The following EPHA7 variants were observed in gnomAD, a reference collection of about 807,000 sequenced individuals.
EPHA7 encodes the protein ephrin type-A receptor 7.
EPHA7 carries 25 observed loss-of-function variants against 112.6 expected under a neutral mutation model. The observed-to-expected ratio is 0.22, with a 90% CI of 0.16 to 0.31. The LOEUF (loss-of-function observed/expected upper bound fraction) is 0.31, where lower values mean the gene tolerates loss of function less well. Ranked by LOEUF, EPHA7 falls within the 10% of genes least tolerant of loss-of-function variation. The pLI is 1.00. For synonymous variants in EPHA7, 437 were observed against 406.5 expected (o/e 1.07, Z -0.90); for missense variants, 962 against 1,212.6 (o/e 0.79, Z 3.07).
At chr6:93,369,180 C>CCACACACA (rs35708007) in intron 3 of EPHA7, among the ~76,000 whole-genome samples, 14 of 144,920 alleles carry the variant, frequency 9.7e-5, no homozygotes, top group African/African-American at 3.3e-4. Flanking sequence ...AAAATAAAGG[C>CCACACACA]CACACACACA....
chr6:93,285,208 ACTT>A (rs1772003179), intron 5 of EPHA7, among the ~76,000 whole-genome samples: 2 of 152,286 alleles, frequency 1.3e-5, no homozygotes, highest in Admixed American at 1.3e-4. Flanking sequence ...TAGCTTTGCA[ACTT>A]CTATTTTAAA....
chr6:93,317,571 G>T (rs1303344383), intron 5 of EPHA7, among the ~76,000 whole-genome samples: 1 of 152,098 alleles, frequency 6.6e-6, no homozygotes, highest in Non-Finnish European at 1.5e-5. Flanking sequence ...TGAGGCCTTG[G>T]CATATAAAGA....
chr6:93,418,467 C>T (rs138465341), intron 1 of EPHA7, among the ~76,000 whole-genome samples: 18 of 152,324 alleles, frequency 1.2e-4, no homozygotes, highest in African/African-American at 3.8e-4. Flanking sequence ...TTGAGTCGCC[C>T]AGGCGGCATC....
At chr6:93,349,287 A>C (rs2127934621) in intron 5 of EPHA7, among the ~76,000 whole-genome samples, 1 of 152,022 alleles carries the variant, frequency 6.6e-6, no homozygotes, top group South Asian at 2.1e-4. Flanking sequence ...ATACTTAAAT[A>C]AATTTCACTA....
intron 5 of EPHA7, among the ~76,000 whole-genome samples, chr6:93,339,160 T>C (rs1262285136): frequency 1.3e-5 from 2 of 151,590 alleles, no homozygotes; most frequent in Non-Finnish European, 3.0e-5. Flanking sequence ...GGAGATAGTG[T>C]CTTCAGAATT....
chr6:93,262,816 T>C (rs1770751231), intron 9 of EPHA7, among the ~76,000 whole-genome samples: 1 of 151,316 alleles, frequency 6.6e-6, no homozygotes, highest in Non-Finnish European at 1.5e-5. Context: ...CCACACATTG[T>C]CATTTGAGCT....
At chr6:93,299,055 G>A (rs1026471036) in intron 5 of EPHA7, among the ~76,000 whole-genome samples, 2 of 152,212 alleles carry the variant, frequency 1.3e-5, no homozygotes, top group Admixed American at 6.5e-5. Flanking sequence ...AGCCGGGCGC[G>A]GTGGCTCAAG....
intron 3 of EPHA7, among the ~76,000 whole-genome samples, chr6:93,379,867 A>G (rs1041973986): frequency 3.9e-5 from 6 of 152,088 alleles, no homozygotes; most frequent in Non-Finnish European, 7.4e-5. Context: ...TCTGAAATTT[A>G]GAGATTCTGT....
At chr6:93,389,704 T>C (rs1777807584) in intron 3 of EPHA7, among the ~76,000 whole-genome samples, 1 of 152,038 alleles carries the variant, frequency 6.6e-6, no homozygotes, top group East Asian at 1.9e-4. Flanking sequence ...CAAAAGTAAA[T>C]GAATACTTAA....
chr6:93,319,125 A>G lies in EPHA7; in HGVS notation c.1324+37592T>C, dbSNP rs115670381. On this transcript the variant is annotated intron_variant, in intron 5 of 16. Coordinates refer to ENST00000369303, the MANE Select transcript of EPHA7 (RefSeq NM_004440.4). ...AGAAATATCTCTATCCTAGTAAAACATATATTTTCCCCAAAAAGATGGACA... is the reference window on the plus strand; with the variant it reads ...AGAAATATCTCTATCCTAGTAAAACGTATATTTTCCCCAAAAAGATGGACA... 4.9e-3 allele frequency among the ~76,000 whole-genome samples: 752 copies of G among 152,266 alleles called. 11 individuals are homozygous for G. The highest frequency in any genetic ancestry group is 0.017 in the African/African-American group (725 of 41,550).
intron 5 of EPHA7, among the ~76,000 whole-genome samples, chr6:93,314,610 A>G (rs1168242108): frequency 6.6e-6 from 1 of 152,160 alleles, no homozygotes. Context: ...TGAAAGCCAT[A>G]TGAGTAGGTG....
At chr6:93,334,641 A>G (rs1277327589) in intron 5 of EPHA7, among the ~76,000 whole-genome samples, 2 of 152,102 alleles carry the variant, frequency 1.3e-5, no homozygotes. Flanking sequence ...TGTAGAAAAA[A>G]ATATCTCCAA....
intron 3 of EPHA7, among the ~76,000 whole-genome samples, chr6:93,395,432 C>T (rs1047249219): frequency 6.6e-6 from 1 of 151,814 alleles, no homozygotes; most frequent in Admixed American, 6.6e-5. Flanking sequence ...TGTTCTGCAG[C>T]ACAGTCAAGC....
intron 3 of EPHA7, among the ~76,000 whole-genome samples, chr6:93,404,905 A>G (rs1778620401): frequency 6.6e-6 from 1 of 151,870 alleles, no homozygotes; most frequent in South Asian, 2.1e-4. Flanking sequence ...AATTTAAACT[A>G]TATTTGCCAC....
intron 5 of EPHA7, among the ~76,000 whole-genome samples, chr6:93,355,276 G>C (rs1775889906): frequency 6.6e-6 from 1 of 151,974 alleles, no homozygotes; most frequent in Admixed American, 6.6e-5. Flanking sequence ...GATTCAAACA[G>C]CCTTTGAAAT....
intron 5 of EPHA7, among the ~76,000 whole-genome samples, chr6:93,325,451 A>C (rs1287154841): frequency 6.6e-6 from 1 of 151,266 alleles, no homozygotes; most frequent in Non-Finnish European, 1.5e-5. Flanking sequence ...ATCTTCTATG[A>C]TCAATTGTCT....
At chr6:93,418,768 A>G (rs1470769567) in intron 1 of EPHA7, among the ~76,000 whole-genome samples, 1 of 152,104 alleles carries the variant, frequency 6.6e-6, no homozygotes, top group Non-Finnish European at 1.5e-5. Flanking sequence ...CCCTCTGGGA[A>G]GGCTCCGGGC....
intron 3 of EPHA7, among the ~76,000 whole-genome samples, chr6:93,398,414 C>T (rs1294719915): frequency 2.0e-5 from 3 of 151,866 alleles, no homozygotes; most frequent in African/African-American, 7.2e-5. Flanking sequence ...ATTTTCTTAG[C>T]TCTATAAAAA....
intron 9 of EPHA7, chr6:93,260,683 T>G (rs1163559344): frequency 1.0e-6 from 1 of 977,510 alleles, no homozygotes; most frequent in Non-Finnish European, 1.2e-6. Context: ...AAATCTTGAT[T>G]TATTCTGCTG....
Sources: allele counts gnomAD v4.1 joint callset (sites outside exome capture counted in the v4.1 genomes callset), GRCh38; gene constraint gnomAD v4.1.1; transcripts MANE v1.5; gene names NCBI Gene and HGNC (gene_info 2026-07-23, HGNC 2026-07-21).